Variants in NRDE2 observed in about 807,000 individuals in gnomAD.
NRDE2 encodes nuclear exosome regulator NRDE2.
NRDE2 carries 76 observed loss-of-function variants against 124.2 expected under a neutral mutation model. The ratio of observed to expected loss-of-function variants is 0.61; its 90% confidence interval spans 0.51 to 0.74. NRDE2 has a LOEUF of 0.74. Ranked by LOEUF, NRDE2 falls within the 30% of genes least tolerant of loss-of-function variation. The pLI, the probability that NRDE2 is intolerant of heterozygous loss-of-function variation, is 0.00. For missense variants in NRDE2, 1,314 were observed against 1,417.3 expected (o/e 0.93, Z 1.17); for synonymous variants, 489 against 528.1 (o/e 0.93, Z 1.01).
intron 1 of NRDE2, among the ~76,000 whole-genome samples, chr14:90,322,853 A>C (rs1885289902): frequency 6.6e-6 from 1 of 152,258 alleles, no homozygotes; most frequent in Non-Finnish European, 1.5e-5. Context: ...CAACAGTTAC[A>C]TCCTCACATA....
Position 90,288,335 on chromosome 14 carries a change from C to T in NRDE2, c.3040G>A (p.Ala1014Thr). Residue 1014 changes from alanine to threonine, a missense_variant, in exon 11 of 14, where the codon GCC becomes ACC. Coordinates refer to ENST00000354366, the MANE Select transcript of NRDE2 (RefSeq NM_017970.4). ...TCAAAAAATCTCCTGGTTTTGCTGG[C>T]ACTGTGGGACTTATTCTGAATCTGT... Reference protein sequence around the residue: ...YVQIQNKSHSASKTRRFFDTI... With the variant: ...YVQIQNKSHSTSKTRRFFDTI... 2 of 1,614,206 alleles carry T rather than the reference C, an allele frequency of 1.2e-6. No homozygotes were observed. The highest frequency in any genetic ancestry group is 1.7e-6 in the Non-Finnish European group (2 of 1,180,024).
chr14:90,322,442 C>T (rs1164433371), intron 1 of NRDE2, among the ~76,000 whole-genome samples: 1 of 152,078 alleles, frequency 6.6e-6, no homozygotes, highest in South Asian at 2.1e-4. Context: ...TCAATAAATA[C>T]CTGTTGAATA....
chr14:90,283,749 G>A (rs1239125719), intron 12 of NRDE2, among the ~76,000 whole-genome samples: 3 of 147,960 alleles, frequency 2.0e-5, no homozygotes, highest in African/African-American at 5.0e-5. Context: ...TGGCTCTGTC[G>A]CCCAGGCTGG....
chr14:90,318,138 T>C, intron 1 of NRDE2, 25 bp from the exon 2 acceptor site: 1 of 1,546,744 alleles, frequency 6.5e-7, no homozygotes, highest in African/African-American at 1.4e-5. Flanking sequence ...GGAGAAAAGA[T>C]CAATGAAATT....
intron 7 of NRDE2, among the ~76,000 whole-genome samples, chr14:90,300,200 G>C (rs1297473598): frequency 6.6e-6 from 1 of 152,142 alleles, no homozygotes; most frequent in African/African-American, 2.4e-5. Flanking sequence ...GACCCACAAG[G>C]TTCCTTAGAG....
chr14:90,286,672 C>A (rs1434745137), intron 11 of NRDE2, among the ~76,000 whole-genome samples, 180 bp from the exon 12 acceptor site: 2 of 152,186 alleles, frequency 1.3e-5, no homozygotes, highest in African/African-American at 2.4e-5. Flanking sequence ...GGAGAAGGCA[C>A]AGGCCAGAGT....
In NRDE2 at chr14:90,271,542, A is replaced by G. The variant is rs182264167; in HGVS notation, c.*6794T>C. On this transcript the variant is annotated 3_prime_UTR_variant, in exon 14 of 14. Coordinates refer to ENST00000354366, the MANE Select transcript of NRDE2 (RefSeq NM_017970.4). ...CCATAGTATAGATACTGCCACTTAC[A>G]GTATCTAACCAGAATACATGTTCTT... The G allele has an allele frequency of 5.9e-5, 9 of 152,372 alleles. No individual in the cohort carries two copies. Among genetic ancestry groups the G allele is most frequent in the African/African-American group, 2.2e-4 (9 of 41,586 alleles). 9.4% of individuals were successfully genotyped at this position (152,372 alleles called of 1,614,324 possible). A position where few individuals can be genotyped will look rare whatever the true frequency, so the allele number is the denominator to read the frequency against.
In NRDE2 at chr14:90,278,304, C is replaced by G; in HGVS notation, c.*32G>C. 4 of 1,613,452 alleles carry G rather than the reference C, an allele frequency of 2.5e-6. No homozygotes were observed. Among genetic ancestry groups the G allele is most frequent in the Non-Finnish European group, 3.4e-6 (4 of 1,179,566 alleles). The stretch of plus-strand genomic sequence containing the variant: ...AGCTCCGCAGGGTGGGCAACTTGGC[C>G]TCGCAGGCACAGCCCGTTTTCCCGC... On this transcript the variant is annotated 3_prime_UTR_variant, in exon 14 of 14. Transcript: ENST00000354366.
At chr14:90,311,013 T>G (rs571806769) in intron 4 of NRDE2, among the ~76,000 whole-genome samples, 2 of 152,346 alleles carry the variant, frequency 1.3e-5, no homozygotes, top group African/African-American at 4.8e-5. Context: ...TGTTATTAAC[T>G]CATTGGGAAG....
At chr14:90,294,978 T>C (rs1316764039) in intron 8 of NRDE2, among the ~76,000 whole-genome samples, 1 of 152,154 alleles carries the variant, frequency 6.6e-6, no homozygotes, top group Non-Finnish European at 1.5e-5. Flanking sequence ...TAAGAAAGGA[T>C]ACTGTGAGGG....
chr14:90,288,333 G>A lies in NRDE2; in HGVS notation c.3042C>T (p.Ala1014=). ...YVQIQNKSHS[A]SKTRRFFDTI... is the part of the protein sequence containing the mutation. ...TGTCAAAAAATCTCCTGGTTTTGCT[G>A]GCACTGTGGGACTTATTCTGAATCT... is the stretch of plus-strand genomic sequence containing the variant. The change falls in exon 11 of 14, where the codon GCC becomes GCT. Residue 1014 remains alanine, a synonymous_variant. Transcript: ENST00000354366. 6.2e-7 allele frequency: 1 copy of A among 1,614,188 alleles called. No individual in the cohort carries two copies. The highest frequency in any genetic ancestry group is 8.5e-7 in the Non-Finnish European group (1 of 1,180,038).
At position 90,301,381 on chromosome 14, in the gene NRDE2, A is replaced by G. The variant is rs1248760214; in HGVS notation, c.1412-9T>C. The stretch of plus-strand genomic sequence containing the variant: ...CTGCTGAAGAAAGAGTGCTGCGAAC[A>G]GGAGGGCAAAGGGGAAGAAGCCTGG... On this transcript the variant is annotated splice_polypyrimidine_tract_variant and intron_variant, in intron 6 of 13. Coordinates refer to ENST00000354366, the MANE Select transcript of NRDE2 (RefSeq NM_017970.4). 2.3e-5 allele frequency: 37 copies of G among 1,613,540 alleles called. No homozygotes were observed. The highest frequency in any genetic ancestry group is 2.5e-5 in the Non-Finnish European group (29 of 1,179,718).
At position 90,304,005 on chromosome 14, in the gene NRDE2, T is replaced by C; in HGVS notation, c.935A>G (p.Glu312Gly). ...CTCCCGCACCCTCCTGTTAAACTCC[T>C]CCACCTTGGCCTTGAGAGCCGCACT... Reference protein sequence around the residue: ...SESAALKAKVEEFNRRVRENP... With the variant: ...SESAALKAKVGEFNRRVRENP... Residue 312 changes from glutamate to glycine, a missense_variant, in exon 5 of 14, where the codon GAG becomes GGG. Coordinates refer to ENST00000354366, the MANE Select transcript of NRDE2 (RefSeq NM_017970.4). 6.2e-7 allele frequency: 1 copy of C among 1,614,030 alleles called. No individual in the cohort carries two copies.
At position 90,318,227 on chromosome 14, in the gene NRDE2, C is replaced by T. The variant is rs530042207; in HGVS notation, c.65-114G>A. ...TAATTCACAGCCAATGCCAGCCAGA[C>T]GTTTTGAACAGTCAGTCCAAAGTCC... On this transcript the variant is annotated intron_variant, in intron 1 of 13. Transcript: ENST00000354366. The T allele has an allele frequency of 9.0e-5, 68 of 756,254 alleles. 1 individual carries two copies. Among genetic ancestry groups the T allele is most frequent in the East Asian group, 8.8e-4 (34 of 38,528 alleles). 46.8% of individuals were successfully genotyped at this position (756,254 alleles called of 1,614,324 possible). A position where few individuals can be genotyped will look rare whatever the true frequency, so the allele number is the denominator to read the frequency against.
chr14:90,296,779 T>C (rs1884176398), intron 8 of NRDE2, among the ~76,000 whole-genome samples: 1 of 131,628 alleles, frequency 7.6e-6, no homozygotes, highest in South Asian at 2.5e-4. Flanking sequence ...AAGCAGTTCC[T>C]GAATGTCTTA....
chr14:90,271,318 A>G lies in NRDE2; in HGVS notation c.*7018T>C, dbSNP rs921475570. On this transcript the variant is annotated 3_prime_UTR_variant, in exon 14 of 14. Transcript: ENST00000354366. ...CTGGCCAAAAGAAAAAGAAAACAAT[A>G]ACAGTAACCCACATAATATGTTTGT... 6.6e-6 allele frequency: 1 copy of G among 152,214 alleles called. No homozygotes were observed. The highest frequency in any genetic ancestry group is 1.5e-5 in the Non-Finnish European group (1 of 68,044). The allele number at this position is 152,214 out of a possible 1,614,324, so 9.4% of individuals were successfully genotyped here. A position where few individuals can be genotyped will look rare whatever the true frequency, so the allele number is the denominator to read the frequency against.
intron 1 of NRDE2, among the ~76,000 whole-genome samples, chr14:90,328,142 C>CA (rs71460301): frequency 0.15 from 20,637 of 136,928 alleles, 1,636 homozygotes; most frequent in South Asian, 0.2. Flanking sequence ...TATTCTGTCT[C>CA]AAAAAAAAAA....
intron 2 of NRDE2, among the ~76,000 whole-genome samples, chr14:90,317,397 T>C (rs1885085346): frequency 6.6e-6 from 1 of 152,234 alleles, no homozygotes; most frequent in South Asian, 2.1e-4. Flanking sequence ...TGAGCTCTTC[T>C]TCCTCATTAC....
Position 90,276,764 on chromosome 14 carries a change from C to T in NRDE2, c.*1572G>A, listed in dbSNP as rs1351432907. On this transcript the variant is annotated 3_prime_UTR_variant, in exon 14 of 14. Coordinates refer to ENST00000354366, the MANE Select transcript of NRDE2 (RefSeq NM_017970.4). Reference sequence around the variant, plus strand: ...GAACCAGCTGATCAGAGGCCACGCCCTTCTAAGTTCTGAACCAGATGAGAA... The same window carrying T: ...GAACCAGCTGATCAGAGGCCACGCCTTTCTAAGTTCTGAACCAGATGAGAA... The T allele has an allele frequency of 2.0e-5, 3 of 152,228 alleles. No individual in the cohort carries two copies. Among genetic ancestry groups the T allele is most frequent in the African/African-American group, 7.2e-5 (3 of 41,444 alleles). The allele number at this position is 152,228 out of a possible 1,614,324, so 9.4% of individuals were successfully genotyped here.
Sources: allele counts gnomAD v4.1 joint callset (sites outside exome capture counted in the v4.1 genomes callset), GRCh38; gene constraint gnomAD v4.1.1; transcripts MANE v1.5; gene names NCBI Gene and HGNC (gene_info 2026-07-23, HGNC 2026-07-21).